The following XPR1 variants were observed in gnomAD, a reference collection of about 807,000 sequenced individuals.
XPR1 encodes the protein xenotropic and polytropic retrovirus receptor 1, also known as solute carrier family 53 member 1.
A neutral mutation model predicts 87.5 loss-of-function variants in XPR1; 28 were observed. The observed-to-expected ratio is 0.32, with a 90% confidence interval of 0.24 to 0.44. XPR1 has a LOEUF of 0.44. Ranked by LOEUF, XPR1 falls within the 20% of genes least tolerant of loss-of-function variation. The pLI is 1.00. For missense variants in XPR1, 559 were observed against 862.3 expected, an observed-to-expected ratio of 0.65 and a Z score of 4.41; for synonymous variants, 300 against 306.1, an observed-to-expected ratio of 0.98 and a Z score of 0.21.
intron 1 of XPR1, among the ~76,000 whole-genome samples, chr1:180,653,780 A>C (rs999181605): frequency 2.0e-5 from 3 of 152,206 alleles, no homozygotes; most frequent in African/African-American, 7.2e-5. Context: ...TTTGAATATA[A>C]GCACTGCAAA....
intron 11 of XPR1, among the ~76,000 whole-genome samples, chr1:180,838,582 G>A (rs1651388811): frequency 6.6e-6 from 1 of 152,118 alleles, no homozygotes; most frequent in African/African-American, 2.4e-5. Context: ...CATACTTCTT[G>A]AAAGAATTTT....
At chr1:180,806,945 GA>G (rs1284543875) in intron 6 of XPR1, among the ~76,000 whole-genome samples, 1 of 152,004 alleles carries the variant, frequency 6.6e-6, no homozygotes, top group African/African-American at 2.4e-5. Flanking sequence ...TTTATTAAGT[GA>G]TATCTTCTGT....
rs929183737 is a variant in XPR1, at chr1:180,696,198, GTGTGTGTGTGTATA to G, written c.121+13789_121+13802del. On this transcript the variant is annotated intron_variant, in intron 2 of 14. Coordinates refer to ENST00000367590, the MANE Select transcript of XPR1 (RefSeq NM_004736.4). ...TGTGTGTGTGTGTGTGTGTGTGTGT[GTGTGTGTGTGTATA>G]TATATATATATATATATATTATGGT... is the stretch of plus-strand genomic sequence containing the variant. Among the ~76,000 whole-genome samples, 13 of 115,888 alleles carry G rather than the reference GTGTGTGTGTGTATA, an allele frequency of 1.1e-4. No homozygotes were observed. In the East Asian group the frequency reaches 2.1e-3, roughly 19 times the overall value. The allele number at this position is 115,888 out of a possible 152,430, so 76.0% of individuals were successfully genotyped here.
intron 3 of XPR1, among the ~76,000 whole-genome samples, chr1:180,792,501 G>A (rs1391174234): frequency 6.6e-6 from 1 of 152,122 alleles, no homozygotes; most frequent in Non-Finnish European, 1.5e-5. Flanking sequence ...CACATGTTAG[G>A]ATCAGAAGCT....
intron 2 of XPR1, among the ~76,000 whole-genome samples, chr1:180,767,214 T>A (rs1244239289): frequency 6.6e-6 from 1 of 152,148 alleles, no homozygotes; most frequent in Non-Finnish European, 1.5e-5. Flanking sequence ...ACTTTCCAGC[T>A]TAAAAGCAAT....
At chr1:180,844,508 G>C (rs1010968733) in intron 11 of XPR1, among the ~76,000 whole-genome samples, 9 of 152,150 alleles carry the variant, frequency 5.9e-5, no homozygotes, top group African/African-American at 2.2e-4. Flanking sequence ...TAAATTGTAT[G>C]TGACTCTCTT....
intron 3 of XPR1, among the ~76,000 whole-genome samples, chr1:180,790,378 AT>A (rs886379925): frequency 2.6e-5 from 4 of 151,934 alleles, no homozygotes; most frequent in African/African-American, 9.7e-5. Context: ...GAGCAAGCAA[AT>A]TTCTTAACTT....
chr1:180,749,375 A>G (rs1647426266), intron 2 of XPR1, among the ~76,000 whole-genome samples: 1 of 152,144 alleles, frequency 6.6e-6, no homozygotes, highest in Admixed American at 6.5e-5. Context: ...TGAACAAGTG[A>G]AGTTATGATA....
intron 2 of XPR1, among the ~76,000 whole-genome samples, chr1:180,725,385 G>A (rs1291469127): frequency 6.6e-6 from 1 of 151,854 alleles, no homozygotes; most frequent in South Asian, 2.1e-4. Context: ...AAAAATTTGG[G>A]GGAAAAAAAG....
In XPR1 at chr1:180,695,167, T is replaced by C. The variant is rs189676080; in HGVS notation, c.121+12756T>C. ...TTAGTGATATTGAGCACTTTTTTCA[T>C]ATACCTATTGGCCATTTGTATGTCT... is the stretch of plus-strand genomic sequence containing the variant. On this transcript the variant is annotated intron_variant, in intron 2 of 14. Transcript: ENST00000367590. Among the ~76,000 whole-genome samples the C allele has an allele frequency of 2.6e-5, 4 of 152,350 alleles. No homozygotes were observed. In the East Asian group the frequency reaches 7.7e-4, roughly 29 times the overall value.
At chr1:180,856,305 TAA>T (rs755610174) in intron 11 of XPR1, among the ~76,000 whole-genome samples, 1 of 146,836 alleles carries the variant, frequency 6.8e-6, no homozygotes. Context: ...TCTTTGGTAT[TAA>T]AAAAAAAAAC....
chr1:180,659,042 G>A (rs1462859510), intron 1 of XPR1, among the ~76,000 whole-genome samples: 1 of 152,114 alleles, frequency 6.6e-6, no homozygotes, highest in Non-Finnish European at 1.5e-5. Context: ...TTACATCAAT[G>A]TTCATTAGGG....
At position 180,834,977 on chromosome 1, in the gene XPR1, T is replaced by C. The variant is rs148996912; in HGVS notation, c.1238T>C (p.Met413Thr). 1 of 1,614,138 alleles carries C rather than the reference T, an allele frequency of 6.2e-7. No individual in the cohort carries two copies. Among genetic ancestry groups the C allele is most frequent in the East Asian group, 2.2e-5 (1 of 44,882 alleles). The change falls in exon 10 of 15, where the codon ATG (methionine) becomes ACG (threonine). Residue 413 changes from methionine (M) to threonine (T), a missense_variant. This residue lies in a region of XPR1 where 264 missense variants were observed against 377.2 expected (regional missense o/e 0.70). Coordinates refer to ENST00000367590, the MANE Select transcript of XPR1 (RefSeq NM_004736.4). ...LSVILMDLEYMICFYSLELKW... is the reference protein window; with the variant it reads ...LSVILMDLEYTICFYSLELKW... ...GTGATACTGATGGACCTGGAATATA[T>C]GATCTGCTTCTACAGTTTGGAGCTC...
In XPR1 at chr1:180,890,232, T is replaced by G. The variant is rs1043069; in HGVS notation, c.*6166T>G. The G allele has an allele frequency of 0.37, 56,880 of 152,042 alleles. 10,845 individuals are homozygous for G. The highest frequency in any genetic ancestry group is 0.4 in the African/African-American group (16,437 of 41,464). 9.4% of individuals were successfully genotyped at this position (152,042 alleles called of 1,614,324 possible). A position where few individuals can be genotyped will look rare whatever the true frequency, so the allele number is the denominator to read the frequency against. ...CTCTGTCCTTTTTTCATTATTACAA[T>G]TTCTCTCTGTTTTCCAACAGTTTGC... On this transcript the variant is annotated 3_prime_UTR_variant, in exon 15 of 15. Transcript: ENST00000367590.
At chr1:180,843,160 T>TA (rs1651571544) in intron 11 of XPR1, among the ~76,000 whole-genome samples, 1 of 152,198 alleles carries the variant, frequency 6.6e-6, no homozygotes, top group Non-Finnish European at 1.5e-5. Context: ...ACCAGTTTAT[T>TA]ACCCTCTGTC....
chr1:180,765,020 C>T (rs1479126188), intron 2 of XPR1, among the ~76,000 whole-genome samples: 4 of 145,782 alleles, frequency 2.7e-5, no homozygotes, highest in African/African-American at 5.1e-5. Flanking sequence ...CTCCTGACCT[C>T]GTGATCCACC....
At chr1:180,668,715 A>G (rs999660878) in intron 1 of XPR1, among the ~76,000 whole-genome samples, 2 of 152,102 alleles carry the variant, frequency 1.3e-5, no homozygotes, top group Non-Finnish European at 2.9e-5. Context: ...TGAATTTTCA[A>G]GTTTTATTTC....
intron 2 of XPR1, among the ~76,000 whole-genome samples, chr1:180,726,815 CAT>C (rs1658368207): frequency 6.6e-6 from 1 of 151,432 alleles, no homozygotes; most frequent in Non-Finnish European, 1.5e-5. Context: ...TTTATGTTAA[CAT>C]GTAATGGATT....
chr1:180,856,111 C>G (rs1260118584), intron 11 of XPR1, among the ~76,000 whole-genome samples: 2 of 152,156 alleles, frequency 1.3e-5, no homozygotes, highest in Non-Finnish European at 2.9e-5. Flanking sequence ...TATCCTGCAT[C>G]TCAAAACAGT....
Sources: allele counts gnomAD v4.1 joint callset (sites outside exome capture counted in the v4.1 genomes callset), GRCh38; gene constraint gnomAD v4.1.1; regional missense constraint gnomAD v4.1.1; transcripts MANE v1.5; gene names NCBI Gene and HGNC (gene_info 2026-07-23, HGNC 2026-07-21).